MDGA2: variants seen among roughly 807,000 people sequenced by gnomAD.
The protein encoded by MDGA2 is MAM domain containing glycosylphosphatidylinositol anchor 2, also known as MAM domain-containing glycosylphosphatidylinositol anchor protein 2.
In MDGA2, 40 loss-of-function variants were observed where a neutral mutation model predicts 117.8. The ratio of observed to expected loss-of-function variants is 0.34; its 90% CI spans 0.26 to 0.44. The LOEUF (loss-of-function observed/expected upper bound fraction) is 0.44. Ranked by LOEUF, MDGA2 falls within the 20% of genes least tolerant of loss-of-function variation. The pLI is 1.00. For missense variants in MDGA2, 1,123 were observed against 1,250.6 expected (o/e 0.90, Z 1.54); for synonymous variants, 452 against 439.0 (o/e 1.03, Z -0.37).
chr14:47,343,086 T>G (rs533263085), intron 1 of MDGA2: 8 of 1,271,540 alleles, frequency 6.3e-6, no homozygotes, highest in Admixed American at 5.1e-5. Context: ...TACTTGAACA[T>G]GGAAGCCTCA....
chr14:46,934,203 T>A (rs1884696191), intron 9 of MDGA2, among the ~76,000 whole-genome samples: 1 of 151,976 alleles, frequency 6.6e-6, no homozygotes, highest in African/African-American at 2.4e-5. Context: ...TTATAGAGAT[T>A]TCCAAGGGGC....
At chr14:47,657,869 T>G (rs1479598664) in intron 1 of MDGA2, among the ~76,000 whole-genome samples, 1 of 152,178 alleles carries the variant, frequency 6.6e-6, no homozygotes, top group South Asian at 2.1e-4. Flanking sequence ...TTGCAGGATA[T>G]GACACAGTCC....
intron 2 of MDGA2, among the ~76,000 whole-genome samples, chr14:47,246,677 A>G (rs1250220109): frequency 6.6e-6 from 1 of 151,686 alleles, no homozygotes; most frequent in Admixed American, 6.6e-5. Flanking sequence ...CAAAAACCAA[A>G]TGACTCCTCC....
chr14:47,208,381 A>C lies in MDGA2; in HGVS notation c.595+9640T>G, dbSNP rs572392905. Among the ~76,000 whole-genome samples, 14 of 152,198 alleles carry C rather than the reference A, an allele frequency of 9.2e-5. No homozygotes were observed. In the South Asian group the frequency reaches 2.5e-3, roughly 27 times the overall value. On this transcript the variant is annotated intron_variant, in intron 3 of 16. Transcript: ENST00000399232. ...TTAAGTAAGCAATAATTTACCTTTC[A>C]AACTTTTACTTTACCTTCTGTGTGA... is the stretch of plus-strand genomic sequence containing the variant.
chr14:47,461,858 G>A (rs1454640843), intron 1 of MDGA2, among the ~76,000 whole-genome samples: 1 of 152,004 alleles, frequency 6.6e-6, no homozygotes, highest in Admixed American at 6.6e-5. Flanking sequence ...TGAAAGGATC[G>A]AAACAACAAT....
At chr14:46,885,380 C>A (rs901391898) in intron 10 of MDGA2, among the ~76,000 whole-genome samples, 2 of 151,920 alleles carry the variant, frequency 1.3e-5, no homozygotes, top group African/African-American at 4.8e-5. Context: ...ATTTTGATAA[C>A]AAGGAAAAGA....
At chr14:47,337,048 C>G (rs1179520645) in intron 1 of MDGA2, among the ~76,000 whole-genome samples, 1 of 151,952 alleles carries the variant, frequency 6.6e-6, no homozygotes, top group Non-Finnish European at 1.5e-5. Flanking sequence ...ATCTTGCCAA[C>G]AACAAAACTA....
intron 1 of MDGA2, among the ~76,000 whole-genome samples, chr14:47,650,866 T>C (rs1897627610): frequency 6.6e-6 from 1 of 152,194 alleles, no homozygotes; most frequent in South Asian, 2.1e-4. Flanking sequence ...GACAGTTTTC[T>C]TTTTGCAAAC....
chr14:47,566,537 C>T (rs776285792), intron 1 of MDGA2, among the ~76,000 whole-genome samples: 2 of 152,204 alleles, frequency 1.3e-5, no homozygotes, highest in East Asian at 1.9e-4. Flanking sequence ...GGGCTGCACA[C>T]ATGCTGGAGT....
intron 3 of MDGA2, among the ~76,000 whole-genome samples, chr14:47,178,823 A>T (rs1250364466): frequency 6.6e-6 from 1 of 152,170 alleles, no homozygotes; most frequent in East Asian, 1.9e-4. Context: ...GAATGTAGAG[A>T]AGGATACTTT....
intron 9 of MDGA2, among the ~76,000 whole-genome samples, chr14:46,937,097 C>T (rs1047544335): frequency 6.6e-6 from 1 of 151,862 alleles, no homozygotes; most frequent in African/African-American, 2.4e-5. Context: ...AATAAAGTTG[C>T]AGGACACAAT....
intron 2 of MDGA2, among the ~76,000 whole-genome samples, chr14:47,249,203 G>A (rs758632360): frequency 9.9e-5 from 15 of 151,326 alleles, no homozygotes; most frequent in Non-Finnish European, 1.9e-4. Context: ...TTTTTTAGTA[G>A]AGACGGGATT....
At chr14:47,256,953 G>C (rs74382309) in intron 2 of MDGA2, among the ~76,000 whole-genome samples, 21,599 of 150,472 alleles carry the variant, frequency 0.14, 1,794 homozygotes, top group South Asian at 0.27. Flanking sequence ...ATGGAAGAAA[G>C]GGAAAGAAAA....
chr14:47,468,583 C>T (rs553970498), intron 1 of MDGA2, among the ~76,000 whole-genome samples: 3 of 151,966 alleles, frequency 2.0e-5, no homozygotes, highest in African/African-American at 4.8e-5. Flanking sequence ...AATAAGTCAG[C>T]GAACACAAAG....
chr14:47,024,198 T>C (rs1287394559), intron 8 of MDGA2, among the ~76,000 whole-genome samples: 5 of 152,212 alleles, frequency 3.3e-5, no homozygotes, highest in Non-Finnish European at 4.4e-5. Context: ...ATATCTGTGA[T>C]TGAATGATTG....
intron 1 of MDGA2, among the ~76,000 whole-genome samples, chr14:47,358,033 T>C (rs907606694): frequency 1.3e-5 from 2 of 152,190 alleles, no homozygotes; most frequent in Admixed American, 1.3e-4. Flanking sequence ...TGTTGCACCT[T>C]GAGGTCTTGT....
At chr14:47,241,259 C>G (rs1887029675) in intron 2 of MDGA2, among the ~76,000 whole-genome samples, 1 of 151,926 alleles carries the variant, frequency 6.6e-6, no homozygotes, top group Non-Finnish European at 1.5e-5. Context: ...AAAGCTAAGT[C>G]TGTGCTTTAT....
At chr14:47,025,877 T>G (rs1356062791) in intron 8 of MDGA2, among the ~76,000 whole-genome samples, 1 of 152,148 alleles carries the variant, frequency 6.6e-6, no homozygotes, top group East Asian at 1.9e-4. Context: ...TTCAAAGATC[T>G]GCAGGGAATA....
At chr14:47,158,329 AAGG>A (rs1883484845) in intron 3 of MDGA2, among the ~76,000 whole-genome samples, 1 of 151,294 alleles carries the variant, frequency 6.6e-6, no homozygotes, top group Non-Finnish European at 1.5e-5. Flanking sequence ...GAAATCATTT[AAGG>A]GCACATTTCT....
Sources: allele counts gnomAD v4.1 joint callset (sites outside exome capture counted in the v4.1 genomes callset), GRCh38; gene constraint gnomAD v4.1.1; transcripts MANE v1.5; gene names NCBI Gene and HGNC (gene_info 2026-07-23, HGNC 2026-07-21).